The following SNTG1 variants were observed in gnomAD, a reference collection of about 807,000 sequenced individuals.
SNTG1 encodes the protein gamma-1-syntrophin.
In SNTG1, 39 loss-of-function variants were observed where a neutral mutation model predicts 74.7. The observed-to-expected ratio is 0.52, with a 90% confidence interval of 0.40 to 0.68. The LOEUF is 0.68. Among genes scored for constraint, SNTG1 ranks in the 30% least tolerant of loss-of-function variants. SNTG1 has a pLI of 0.00. For missense variants in SNTG1, 685 were observed against 609.5 expected, an observed-to-expected ratio of 1.12 and a Z score of -1.30; for synonymous variants, 254 against 217.1, an observed-to-expected ratio of 1.17 and a Z score of -1.49.
intron 10 of SNTG1, among the ~76,000 whole-genome samples, chr8:50,532,979 G>C (rs547826236): frequency 6.6e-6 from 1 of 152,122 alleles, no homozygotes. Context: ...TTTTAAGGCA[G>C]CATTTTAATT....
intron 2 of SNTG1, among the ~76,000 whole-genome samples, chr8:50,241,757 A>T (rs144194316): frequency 6.6e-5 from 10 of 152,316 alleles, no homozygotes; most frequent in Admixed American, 2.0e-4. Flanking sequence ...GAGCAGGGTT[A>T]ATGATTCATG....
At chr8:50,006,672 G>C (rs1815270543) in intron 1 of SNTG1, among the ~76,000 whole-genome samples, 1 of 152,092 alleles carries the variant, frequency 6.6e-6, no homozygotes, top group Non-Finnish European at 1.5e-5. Context: ...ATTCTGAATG[G>C]TTTATCTTGT....
At chr8:49,950,481 AT>A (rs571604924) in intron 1 of SNTG1, among the ~76,000 whole-genome samples, 5 of 152,152 alleles carry the variant, frequency 3.3e-5, no homozygotes, top group Admixed American at 2.6e-4. Flanking sequence ...TCCAGGGGAG[AT>A]TTTTTTGCCA....
In SNTG1 at chr8:50,376,979, A is replaced by G. The variant is rs186210007; in HGVS notation, c.-27-17233A>G. Among the ~76,000 whole-genome samples, 12 of 152,066 alleles carry G rather than the reference A, an allele frequency of 7.9e-5. No homozygotes were observed. In the East Asian group the frequency reaches 2.3e-3, roughly 30 times the overall value. ...TCAAAAGGAAGCAGTGAAGGATTCA[A>G]CCTGGCCTGAGTGTTCCCAGACTCC... On this transcript the variant is annotated intron_variant, in intron 2 of 18. Transcript: ENST00000642720.
chr8:49,984,590 T>C (rs997586979), intron 1 of SNTG1, among the ~76,000 whole-genome samples: 1 of 152,234 alleles, frequency 6.6e-6, no homozygotes, highest in African/African-American at 2.4e-5. Flanking sequence ...CACCTAAATG[T>C]ATAACTTATA....
chr8:50,395,652 T>C (rs991429656), intron 3 of SNTG1, among the ~76,000 whole-genome samples: 1 of 151,910 alleles, frequency 6.6e-6, no homozygotes, highest in African/African-American at 2.4e-5. Flanking sequence ...TACAGGTGCC[T>C]GCCACCACGC....
intron 18 of SNTG1, among the ~76,000 whole-genome samples, chr8:50,762,290 G>A (rs1313901874): frequency 6.6e-6 from 1 of 151,948 alleles, no homozygotes; most frequent in Non-Finnish European, 1.5e-5. Context: ...TACTGAATTG[G>A]AATTACTATT....
intron 1 of SNTG1, among the ~76,000 whole-genome samples, chr8:50,067,568 T>C (rs559868692): frequency 6.6e-6 from 1 of 152,328 alleles, no homozygotes; most frequent in East Asian, 1.9e-4. Context: ...AGTCTTCCCT[T>C]TGACAATCTG....
intron 17 of SNTG1, among the ~76,000 whole-genome samples, chr8:50,732,254 T>G (rs1396311844): frequency 6.6e-6 from 1 of 151,950 alleles, no homozygotes; most frequent in African/African-American, 2.4e-5. Flanking sequence ...TAATTATAAT[T>G]TGAGAATTTC....
At chr8:49,926,871 A>C (rs1165998577) in intron 1 of SNTG1, among the ~76,000 whole-genome samples, 1 of 152,222 alleles carries the variant, frequency 6.6e-6, no homozygotes, top group Non-Finnish European at 1.5e-5. Context: ...TAAAATATAC[A>C]AAGAGCACTT....
chr8:49,980,820 C>A (rs1455895512), intron 1 of SNTG1, among the ~76,000 whole-genome samples: 3 of 152,098 alleles, frequency 2.0e-5, no homozygotes, highest in Non-Finnish European at 4.4e-5. Context: ...CTTTTAGACA[C>A]TTAAAGCTAA....
chr8:49,970,116 T>A (rs959837133), intron 1 of SNTG1, among the ~76,000 whole-genome samples: 4 of 152,180 alleles, frequency 2.6e-5, no homozygotes, highest in African/African-American at 9.6e-5. Flanking sequence ...TTACTCTGGT[T>A]GGCCTCTTAC....
At chr8:50,531,625 C>T (rs894079158) in intron 10 of SNTG1, among the ~76,000 whole-genome samples, 1 of 152,174 alleles carries the variant, frequency 6.6e-6, no homozygotes. Flanking sequence ...CAGCTTATCC[C>T]TCTTGTCTGG....
At chr8:50,311,426 G>A (rs2090107956) in intron 2 of SNTG1, among the ~76,000 whole-genome samples, 1 of 152,222 alleles carries the variant, frequency 6.6e-6, no homozygotes, top group Admixed American at 6.5e-5. Context: ...TTTTGATGAG[G>A]TGTGTGTTTA....
At chr8:50,265,285 G>A (rs1028156342) in intron 2 of SNTG1, among the ~76,000 whole-genome samples, 10 of 151,524 alleles carry the variant, frequency 6.6e-5, no homozygotes, top group Non-Finnish European at 8.8e-5. Flanking sequence ...TCCACAACCC[G>A]GTATCACATA....
At chr8:50,181,096 C>T (rs921819201) in intron 2 of SNTG1, among the ~76,000 whole-genome samples, 1 of 152,068 alleles carries the variant, frequency 6.6e-6, no homozygotes. Context: ...TTGCATTACT[C>T]CATTGCCAAG....
At chr8:50,204,996 T>A (rs2084152399) in intron 2 of SNTG1, among the ~76,000 whole-genome samples, 3 of 152,186 alleles carry the variant, frequency 2.0e-5, no homozygotes, top group Admixed American at 1.3e-4. Flanking sequence ...TGGTTCCAAG[T>A]CTTTGCTATT....
chr8:50,567,174 T>C (rs769987859), intron 12 of SNTG1, among the ~76,000 whole-genome samples: 65 of 152,072 alleles, frequency 4.3e-4, no homozygotes, highest in Non-Finnish European at 1.8e-4. Flanking sequence ...CTATGATCTT[T>C]GCCAAGTGAT....
intron 2 of SNTG1, among the ~76,000 whole-genome samples, chr8:50,348,889 G>C (rs1480430871): frequency 1.3e-5 from 2 of 152,112 alleles, no homozygotes; most frequent in Non-Finnish European, 2.9e-5. Context: ...GCTGGGCTGG[G>C]ACTTTGTAAG....
Sources: gnomAD v4.1 joint callset for allele counts (sites outside exome capture counted in the v4.1 genomes callset) on GRCh38, gnomAD v4.1.1 for gene constraint, MANE v1.5 for transcripts, NCBI Gene and HGNC (gene_info 2026-07-23, HGNC 2026-07-21) for gene names.